CDH13: variants seen among roughly 807,000 people sequenced by gnomAD.
CDH13 encodes the protein cadherin-13.
CDH13 carries 24 observed loss-of-function variants against 63.8 expected under a neutral mutation model. The observed-to-expected ratio is 0.38, with a 90% CI of 0.27 to 0.53. The LOEUF (loss-of-function observed/expected upper bound fraction) is 0.53, where lower values mean the gene tolerates loss of function less well. CDH13 is among the 20% of genes least tolerant of loss of function. The pLI, the probability that CDH13 is intolerant of heterozygous loss-of-function variation, is 0.85. For synonymous variants in CDH13, 503 were observed against 355.3 expected (o/e 1.42, Z -4.67); for missense variants, 1,049 against 903.1 (o/e 1.16, Z -2.07).
At chr16:83,478,833 T>C (rs1291145721) in intron 6 of CDH13, among the ~76,000 whole-genome samples, 1 of 105,468 alleles carries the variant, frequency 9.5e-6, no homozygotes, top group Non-Finnish European at 1.9e-5. Context: ...CTTTTGAAGA[T>C]GAGAAAAAAA....
chr16:83,630,706 C>G (rs1204375362), intron 8 of CDH13, among the ~76,000 whole-genome samples: 1 of 152,150 alleles, frequency 6.6e-6, no homozygotes, highest in Non-Finnish European at 1.5e-5. Context: ...TTGACCTGCA[C>G]CTGTGAAGAT....
At chr16:83,759,018 G>A (rs1913738562) in intron 11 of CDH13, among the ~76,000 whole-genome samples, 1 of 152,162 alleles carries the variant, frequency 6.6e-6, no homozygotes, top group Non-Finnish European at 1.5e-5. Flanking sequence ...TCCCAGCATG[G>A]GGATCGGGGC....
chr16:82,676,639 A>G (rs1346388368), intron 1 of CDH13, among the ~76,000 whole-genome samples: 2 of 152,064 alleles, frequency 1.3e-5, no homozygotes, highest in Admixed American at 6.5e-5. Context: ...GATGTCATTC[A>G]TTTGATCAAA....
intron 2 of CDH13, among the ~76,000 whole-genome samples, chr16:82,991,076 C>G (rs1911598028): frequency 1.3e-5 from 2 of 152,168 alleles, no homozygotes; most frequent in South Asian, 4.1e-4. Context: ...ACCTGCCATC[C>G]TTGATTTGAT....
Position 82,764,507 on chromosome 16 carries a change from C to T in CDH13, c.46-93855C>T, listed in dbSNP as rs553779227. ...GAAGCAGATAGATGTGCTAGCAGAGCAAGCAGTTTGAGATCTAATATACAG... is the reference window on the plus strand; with the variant it reads ...GAAGCAGATAGATGTGCTAGCAGAGTAAGCAGTTTGAGATCTAATATACAG... On this transcript the variant is annotated intron_variant, in intron 1 of 13. Transcript: ENST00000567109. Among the ~76,000 whole-genome samples, 6 of 152,220 alleles carry T rather than the reference C, an allele frequency of 3.9e-5. No individual in the cohort carries two copies. In the South Asian group the frequency reaches 8.3e-4, roughly 21 times the overall value.
chr16:83,061,447 G>A lies in CDH13; in HGVS notation c.366+29229G>A, dbSNP rs552950119. ...GTGACCTTCTCCCTGTGCCAACCCC[G>A]GAATACAATGGGATGAGTAACTGGC... On this transcript the variant is annotated intron_variant, in intron 3 of 13. Coordinates refer to ENST00000567109, the MANE Select transcript of CDH13 (RefSeq NM_001257.5). Among the ~76,000 whole-genome samples, 21 of 152,216 alleles carry A rather than the reference G, an allele frequency of 1.4e-4. No homozygotes were observed. In the East Asian group the frequency reaches 1.7e-3, roughly 13 times the overall value.
intron 7 of CDH13, among the ~76,000 whole-genome samples, chr16:83,571,639 C>T (rs542772217): frequency 6.6e-6 from 1 of 152,140 alleles, no homozygotes; most frequent in Non-Finnish European, 1.5e-5. Flanking sequence ...TGGCATGTGC[C>T]TTGAGAATCC....
rs972373097 is a variant in CDH13, at chr16:82,644,314, C to T, written c.45+17177C>T. The stretch of plus-strand genomic sequence containing the variant: ...CTCATCACTCTGCAAATCAAGGCCC[C>T]CCGAACTCCTCCCACCCCTGCCTTC... On this transcript the variant is annotated intron_variant, in intron 1 of 13. Coordinates refer to ENST00000567109, the MANE Select transcript of CDH13 (RefSeq NM_001257.5). The surrounding 1 kb of genome is among the most constrained non-coding windows in gnomAD (Gnocchi z 5.7). Among the ~76,000 whole-genome samples, 27 of 152,066 alleles carry T rather than the reference C, an allele frequency of 1.8e-4. No individual in the cohort carries two copies. The highest frequency in any genetic ancestry group is 5.6e-4 in the African/African-American group (23 of 41,394).
chr16:83,752,535 C>T (rs184827392), intron 11 of CDH13, among the ~76,000 whole-genome samples: 10 of 152,288 alleles, frequency 6.6e-5, no homozygotes, highest in East Asian at 1.9e-4. Flanking sequence ...TCTAAACTTC[C>T]GCCATACCAC....
chr16:83,578,375 C>A (rs1479076478), intron 7 of CDH13, among the ~76,000 whole-genome samples: 1 of 152,148 alleles, frequency 6.6e-6, no homozygotes, highest in African/African-American at 2.4e-5. Context: ...ATCTGTAGCT[C>A]TGTTAAAGGA....
At chr16:82,798,164 G>A (rs1359524812) in intron 1 of CDH13, among the ~76,000 whole-genome samples, 1 of 152,160 alleles carries the variant, frequency 6.6e-6, no homozygotes, top group Non-Finnish European at 1.5e-5. Flanking sequence ...CCGGAAACCA[G>A]GTTGCTCTTG....
At chr16:83,633,517 G>T (rs563761385) in intron 8 of CDH13, among the ~76,000 whole-genome samples, 2 of 152,180 alleles carry the variant, frequency 1.3e-5, no homozygotes, top group Non-Finnish European at 2.9e-5. Context: ...GGTCTGAAAG[G>T]AGTTTGTTTT....
rs188638448 is a variant in CDH13 at position 83,341,583 on chromosome 16, A to T, written c.637-3279A>T. Among the ~76,000 whole-genome samples the T allele has an allele frequency of 2.6e-4, 39 of 152,288 alleles. No individual in the cohort carries two copies. In the East Asian group the frequency reaches 7.5e-3, roughly 29 times the overall value. ...TCCTATTATATATTTTATTCAGTCT[A>T]CTATGTTTTCCTCTGTGGGGATCAA... On this transcript the variant is annotated intron_variant, in intron 5 of 13. Coordinates refer to ENST00000567109, the MANE Select transcript of CDH13 (RefSeq NM_001257.5).
At chr16:83,301,949 C>G (rs1411469904) in intron 5 of CDH13, among the ~76,000 whole-genome samples, 1 of 147,818 alleles carries the variant, frequency 6.8e-6, no homozygotes, top group African/African-American at 2.5e-5. Context: ...ATCAATGAGA[C>G]TTCAATAAAG....
At chr16:82,748,960 C>A (rs1308213638) in intron 1 of CDH13, among the ~76,000 whole-genome samples, 2 of 152,160 alleles carry the variant, frequency 1.3e-5, no homozygotes, top group Non-Finnish European at 2.9e-5. Flanking sequence ...GATCTAGACA[C>A]ATTTATGACC....
chr16:82,812,378 G>C (rs2037492134), intron 1 of CDH13, among the ~76,000 whole-genome samples: 1 of 152,132 alleles, frequency 6.6e-6, no homozygotes, highest in African/African-American at 2.4e-5. Context: ...GAGAAGAGTG[G>C]TCAGCAGGAA....
At chr16:83,763,962 TGATAGCC>T (rs1306881070) in intron 11 of CDH13, among the ~76,000 whole-genome samples, 1 of 152,118 alleles carries the variant, frequency 6.6e-6, no homozygotes, top group Non-Finnish European at 1.5e-5. Context: ...AGCTGTGCAA[TGATAGCC>T]GAGAGACTTA....
intron 2 of CDH13, among the ~76,000 whole-genome samples, chr16:83,031,490 C>T (rs1411132210): frequency 3.6e-5 from 5 of 139,214 alleles, no homozygotes; most frequent in East Asian, 2.4e-4. Flanking sequence ...ATATGCACAT[C>T]GTTAATTCTC....
chr16:83,493,344 C>G (rs2074062230), intron 7 of CDH13, among the ~76,000 whole-genome samples: 1 of 152,178 alleles, frequency 6.6e-6, no homozygotes. Flanking sequence ...CAGAGCTAAT[C>G]CAGCCTACAA....
Sources: allele counts gnomAD v4.1 joint callset (sites outside exome capture counted in the v4.1 genomes callset), GRCh38; gene constraint gnomAD v4.1.1; non-coding constraint Gnocchi (gnomAD v3.1); transcripts MANE v1.5; gene names NCBI Gene and HGNC (gene_info 2026-07-23, HGNC 2026-07-21).